FAM124A: variants seen among roughly 807,000 people sequenced by gnomAD.
FAM124A encodes protein FAM124A.
FAM124A carries 23 observed loss-of-function variants against 24.5 expected under a neutral mutation model. The ratio of observed to expected loss-of-function variants is 0.94; its 90% CI spans 0.68 to 1.33. The LOEUF is 1.33. FAM124A is among the 40% of genes most tolerant of loss of function. FAM124A has a pLI of 0.00. For synonymous variants in FAM124A, 287 were observed against 314.7 expected (o/e 0.91, Z 0.93); for missense variants, 623 against 722.8 (o/e 0.86, Z 1.58).
chr13:51,267,431 C>T (rs1440796530), intron 3 of FAM124A, among the ~76,000 whole-genome samples: 1 of 151,880 alleles, frequency 6.6e-6, no homozygotes, highest in East Asian at 1.9e-4. Flanking sequence ...TTTTCTAGAC[C>T]TCAAAAGAGA....
chr13:51,265,668 T>A (rs370212995), intron 3 of FAM124A, among the ~76,000 whole-genome samples: 1 of 152,138 alleles, frequency 6.6e-6, no homozygotes, highest in South Asian at 2.1e-4. Context: ...ACTGTTATTA[T>A]CATTATCACC....
Position 51,263,318 on chromosome 13 carries a change from A to G in FAM124A, c.834+11117A>G, listed in dbSNP as rs144980073. Among the ~76,000 whole-genome samples, 329 of 152,368 alleles carry G rather than the reference A, an allele frequency of 2.2e-3. 4 individuals carry two copies. Among genetic ancestry groups the G allele is most frequent in the Admixed American group, 0.016 (242 of 15,310 alleles). Reference sequence around the variant, plus strand: ...CTGTGCATTCCCCAGCATGGGATGGAAAAAGGGCCTGAATGGTCCTTGGTC... The same window carrying G: ...CTGTGCATTCCCCAGCATGGGATGGGAAAAGGGCCTGAATGGTCCTTGGTC... On this transcript the variant is annotated intron_variant, in intron 3 of 3. Coordinates refer to ENST00000322475, the MANE Select transcript of FAM124A (RefSeq NM_001242312.2).
At chr13:51,253,745 T>C (rs765819553) in intron 3 of FAM124A, among the ~76,000 whole-genome samples, 59 of 152,184 alleles carry the variant, frequency 3.9e-4, no homozygotes, top group Admixed American at 1.1e-3. Flanking sequence ...AAAGGCACCA[T>C]GGAAAGAATA....
intron 3 of FAM124A, among the ~76,000 whole-genome samples, chr13:51,256,882 A>C (rs1954680545): frequency 6.6e-6 from 1 of 151,932 alleles, no homozygotes; most frequent in African/African-American, 2.4e-5. Context: ...CCATTCTACT[A>C]TCTGTTTCTG....
chr13:51,238,720 G>A (rs1414581325), intron 2 of FAM124A, among the ~76,000 whole-genome samples: 1 of 152,206 alleles, frequency 6.6e-6, no homozygotes, highest in Non-Finnish European at 1.5e-5. Flanking sequence ...GAAGCTGAAC[G>A]TGTGAGTCCA....
intron 2 of FAM124A, among the ~76,000 whole-genome samples, chr13:51,238,259 TGGTCCA>T (rs1176065333): frequency 1.3e-5 from 2 of 152,184 alleles, no homozygotes; most frequent in Non-Finnish European, 1.5e-5. Context: ...GCTCAGAGTG[TGGTCCA>T]GGGACCACTG....
intron 2 of FAM124A, among the ~76,000 whole-genome samples, chr13:51,248,790 G>A (rs1227620361): frequency 6.6e-6 from 1 of 152,218 alleles, no homozygotes; most frequent in African/African-American, 2.4e-5. Context: ...CATTTAGTGG[G>A]AGGAGCTACA....
chr13:51,223,872 A>G (rs988855136), intron 1 of FAM124A, among the ~76,000 whole-genome samples: 3 of 152,220 alleles, frequency 2.0e-5, no homozygotes, highest in African/African-American at 7.2e-5. Context: ...TAGCTGGACC[A>G]TGAATAGAAG....
intron 2 of FAM124A, among the ~76,000 whole-genome samples, chr13:51,249,157 C>T (rs1185801412): frequency 6.6e-6 from 1 of 152,186 alleles, no homozygotes; most frequent in Non-Finnish European, 1.5e-5. Flanking sequence ...ATCTCCTCAG[C>T]ATTTGAGGGC....
In FAM124A at chr13:51,251,159, A is replaced by T. The variant is rs534882865; in HGVS notation, c.101-309A>T. ...CTAGACTTGACTTTCTATTTGTCTGATACGTAAATATAAAGTCAAATGTTC... is the reference window on the plus strand; with the variant it reads ...CTAGACTTGACTTTCTATTTGTCTGTTACGTAAATATAAAGTCAAATGTTC... On this transcript the variant is annotated intron_variant, in intron 2 of 3. Transcript: ENST00000322475. The surrounding 1 kb of genome is among the most constrained non-coding windows in gnomAD (Gnocchi z 5.3). 6.2e-4 allele frequency among the ~76,000 whole-genome samples: 95 copies of T among 152,226 alleles called. No homozygotes were observed. Among genetic ancestry groups the T allele is most frequent in the Non-Finnish European group, 4.9e-4 (33 of 68,002 alleles).
At chr13:51,265,984 T>C (rs1238176915) in intron 3 of FAM124A, among the ~76,000 whole-genome samples, 1 of 152,242 alleles carries the variant, frequency 6.6e-6, no homozygotes, top group Non-Finnish European at 1.5e-5. Context: ...ATTACATATA[T>C]ACTCATACAT....
rs1348875058 is a variant in FAM124A, at chr13:51,251,133, A to T, written c.101-335A>T. Among the ~76,000 whole-genome samples, 1 of 152,192 alleles carries T rather than the reference A, an allele frequency of 6.6e-6. No individual in the cohort carries two copies. Among genetic ancestry groups the T allele is most frequent in the African/African-American group, 2.4e-5 (1 of 41,442 alleles). On this transcript the variant is annotated intron_variant, in intron 2 of 3. Transcript: ENST00000322475. The surrounding 1 kb of genome is among the most constrained non-coding windows in gnomAD (Gnocchi z 5.3). ...ATGGGCCTGTTGTTCCTTCCAAGTC[A>T]CTAGACTTGACTTTCTATTTGTCTG... is the stretch of plus-strand genomic sequence containing the variant.
At chr13:51,248,330 G>A (rs1954585403) in intron 2 of FAM124A, among the ~76,000 whole-genome samples, 1 of 152,116 alleles carries the variant, frequency 6.6e-6, no homozygotes, top group African/African-American at 2.4e-5. Flanking sequence ...CACCCACCAG[G>A]CCTGTGGGCT....
At chr13:51,231,141 C>T (rs1172280934) in intron 1 of FAM124A, among the ~76,000 whole-genome samples, 1 of 152,196 alleles carries the variant, frequency 6.6e-6, no homozygotes, top group African/African-American at 2.4e-5. Flanking sequence ...CACATGAGAG[C>T]CCCCAGAATT....
At chr13:51,250,674 A>C (rs1954610478) in intron 2 of FAM124A, among the ~76,000 whole-genome samples, 1 of 152,216 alleles carries the variant, frequency 6.6e-6, no homozygotes, top group African/African-American at 2.4e-5. Flanking sequence ...GTAGCCTTTC[A>C]TGGGCAGTCA....
chr13:51,243,382 A>C (rs1255364615), intron 2 of FAM124A, among the ~76,000 whole-genome samples: 1 of 152,206 alleles, frequency 6.6e-6, no homozygotes, highest in Admixed American at 6.5e-5. Context: ...TCTCCCAGGA[A>C]GGAATTTGGA....
intron 3 of FAM124A, among the ~76,000 whole-genome samples, chr13:51,278,005 C>T (rs1954900236): frequency 6.6e-6 from 1 of 152,210 alleles, no homozygotes; most frequent in African/African-American, 2.4e-5. Flanking sequence ...ATTTCCCGGG[C>T]TGGTTGCCTT....
At chr13:51,231,946 G>A (rs754527127) in intron 2 of FAM124A, among the ~76,000 whole-genome samples, 57 of 152,284 alleles carry the variant, frequency 3.7e-4, no homozygotes, top group Middle Eastern at 3.4e-3. Flanking sequence ...CAATACATAT[G>A]TACCAATACG....
At chr13:51,230,787 A>T (rs1394114928) in intron 1 of FAM124A, among the ~76,000 whole-genome samples, 4 of 152,292 alleles carry the variant, frequency 2.6e-5, no homozygotes, top group Admixed American at 2.0e-4. Flanking sequence ...TGTTACTCTA[A>T]TATCCAGCAG....
Sources: gnomAD v4.1 joint callset for allele counts (sites outside exome capture counted in the v4.1 genomes callset) on GRCh38, gnomAD v4.1.1 for gene constraint, Gnocchi (gnomAD v3.1) non-coding constraint, MANE v1.5 for transcripts, NCBI Gene and HGNC (gene_info 2026-07-23, HGNC 2026-07-21) for gene names.